Variants in TIMP2 observed in about 807,000 individuals in gnomAD.
TIMP2 encodes the protein TIMP metallopeptidase inhibitor 2.
A neutral mutation model predicts 24.3 loss-of-function variants in TIMP2; 5 were observed. The ratio of observed to expected loss-of-function variants is 0.21; its 90% CI spans 0.11 to 0.43. The LOEUF is 0.43. TIMP2 is among the 20% of genes least tolerant of loss of function. The probability of loss-of-function intolerance (pLI) is 1.00; values close to 1 mark genes in which losing one functional copy is unlikely to be tolerated. For synonymous variants in TIMP2, 130 were observed against 123.2 expected, an observed-to-expected ratio of 1.06 and a Z score of -0.37; for missense variants, 221 against 297.5, an observed-to-expected ratio of 0.74 and a Z score of 1.89.
chr17:78,861,184 G>A (rs138707724), intron 3 of TIMP2, among the ~76,000 whole-genome samples: 70 of 152,150 alleles, frequency 4.6e-4, no homozygotes, highest in African/African-American at 1.6e-3. Flanking sequence ...GGCATTTGGC[G>A]CCCATACAGG....
At chr17:78,861,339 C>T (rs1441486319) in intron 3 of TIMP2, among the ~76,000 whole-genome samples, 1 of 152,186 alleles carries the variant, frequency 6.6e-6, no homozygotes, top group Non-Finnish European at 1.5e-5. Context: ...ATTAGATTTG[C>T]CTTTCTTCTG....
rs2069700610 is a variant in TIMP2 at position 78,873,297 on chromosome 17, C to CCA, written c.231+520_231+521dup. ...GGCCCTGCCCTCCCTGCCCTCCCTGCCACATATTTTTTTTTTTTTTTTTTA... is the reference window on the plus strand; with the variant it reads ...GGCCCTGCCCTCCCTGCCCTCCCTGCCACACATATTTTTTTTTTTTTTTTTTA... On this transcript the variant is annotated intron_variant, in intron 2 of 4. Coordinates refer to ENST00000262768, the MANE Select transcript of TIMP2 (RefSeq NM_003255.5). Among the ~76,000 whole-genome samples, 6 of 81,292 alleles carry CCA rather than the reference C, an allele frequency of 7.4e-5. No individual in the cohort carries two copies. In the South Asian group the frequency reaches 2.2e-3, roughly 30 times the overall value. The allele number at this position is 81,292 out of a possible 152,430, so 53.3% of individuals were successfully genotyped here.
intron 1 of TIMP2, among the ~76,000 whole-genome samples, chr17:78,880,699 T>C (rs993779578): frequency 6.6e-6 from 1 of 152,176 alleles, no homozygotes; most frequent in Non-Finnish European, 1.5e-5. Context: ...GACCCTGCCT[T>C]TGAAAGAAAA....
intron 1 of TIMP2, among the ~76,000 whole-genome samples, chr17:78,887,450 T>C (rs1363832119): frequency 1.3e-5 from 2 of 152,166 alleles, no homozygotes; most frequent in African/African-American, 4.8e-5. Flanking sequence ...AGTGGCATGA[T>C]CTCAGCTCAC....
At chr17:78,903,668 C>G (rs1341609065) in intron 1 of TIMP2, among the ~76,000 whole-genome samples, 1 of 152,150 alleles carries the variant, frequency 6.6e-6, no homozygotes, top group Non-Finnish European at 1.5e-5. Context: ...AACCACCTGC[C>G]CACACAGGAG....
At chr17:78,872,692 T>G (rs2069695958) in intron 2 of TIMP2, among the ~76,000 whole-genome samples, 1 of 152,148 alleles carries the variant, frequency 6.6e-6, no homozygotes, top group Admixed American at 6.5e-5. Context: ...TATGAGGTCG[T>G]AAGAGCAGAT....
intron 3 of TIMP2, among the ~76,000 whole-genome samples, chr17:78,858,931 T>G (rs2069546745): frequency 6.6e-6 from 1 of 152,148 alleles, no homozygotes; most frequent in Non-Finnish European, 1.5e-5. Context: ...CCTCCCACCT[T>G]GACTTCCCAA....
intron 1 of TIMP2, among the ~76,000 whole-genome samples, chr17:78,876,065 G>A (rs535441122): frequency 3.3e-4 from 50 of 152,334 alleles, no homozygotes; most frequent in African/African-American, 1.2e-3. Context: ...AGAACAGACG[G>A]CTTTGCCCTG....
intron 3 of TIMP2, 73 bp from the exon 4 acceptor site, chr17:78,857,719 C>G: frequency 6.3e-7 from 1 of 1,593,912 alleles, no homozygotes; most frequent in Non-Finnish European, 8.5e-7. Flanking sequence ...CTCCACCCGG[C>G]GCAGGGGCGC....
intron 3 of TIMP2, among the ~76,000 whole-genome samples, chr17:78,870,276 C>T (rs555080400): frequency 3.7e-4 from 56 of 151,414 alleles, no homozygotes; most frequent in African/African-American, 8.0e-4. Flanking sequence ...ATTAGCTGGG[C>T]GTGGTGGCGT....
rs373070520 is a variant in TIMP2 at position 78,880,575 on chromosome 17, T to C, written c.131-6656A>G. On this transcript the variant is annotated intron_variant, in intron 1 of 4. Coordinates refer to ENST00000262768, the MANE Select transcript of TIMP2 (RefSeq NM_003255.5). ...AAAAAAAACAAAAATTAGCTGGGCG[T>C]GGTGGCATCTGCCTATAGTCCCAGC... Among the ~76,000 whole-genome samples, 16 of 151,940 alleles carry C rather than the reference T, an allele frequency of 1.1e-4. 3 individuals carry two copies. Among genetic ancestry groups the C allele is most frequent in the East Asian group, 3.9e-4 (2 of 5,176 alleles).
At chr17:78,883,927 C>T (rs1299701010) in intron 1 of TIMP2, among the ~76,000 whole-genome samples, 3 of 152,248 alleles carry the variant, frequency 2.0e-5, no homozygotes, top group Non-Finnish European at 4.4e-5. Flanking sequence ...ATGCCAGAGC[C>T]TCCGGCTCGG....
At position 78,909,132 on chromosome 17, in the gene TIMP2, G is replaced by A. The variant is rs9899813; in HGVS notation, c.130+15827C>T. Among the ~76,000 whole-genome samples the A allele has an allele frequency of 5.0e-3, 756 of 152,272 alleles. 10 individuals carry two copies. Among genetic ancestry groups the A allele is most frequent in the African/African-American group, 0.017 (722 of 41,552 alleles). On this transcript the variant is annotated intron_variant, in intron 1 of 4. Coordinates refer to ENST00000262768, the MANE Select transcript of TIMP2 (RefSeq NM_003255.5). ...GGAGGCTGAGATGAGAGGATCACTTGAACCCAGGAGTTCGAGACCAGACTG... is the reference window on the plus strand; with the variant it reads ...GGAGGCTGAGATGAGAGGATCACTTAAACCCAGGAGTTCGAGACCAGACTG...
Position 78,924,838 on chromosome 17 carries a change from G to A in TIMP2, c.130+121C>T. The stretch of plus-strand genomic sequence containing the variant: ...CTTGCAGGATTCGAGAAGGCGCCGA[G>A]GGACCAGGAGGCGGGCGCTGGGGTC... On this transcript the variant is annotated intron_variant, in intron 1 of 4. Transcript: ENST00000262768. The surrounding 1 kb of genome is among the most constrained non-coding windows in gnomAD (Gnocchi z 5.3). The A allele has an allele frequency of 3.8e-6, 2 of 526,250 alleles. No homozygotes were observed. The highest frequency in any genetic ancestry group is 5.4e-6 in the Non-Finnish European group (2 of 372,914). The allele number at this position is 526,250 out of a possible 1,614,324, so 32.6% of individuals were successfully genotyped here.
At chr17:78,870,426 AAAG>A (rs1567993574) in intron 3 of TIMP2, among the ~76,000 whole-genome samples, 44 of 8,818 alleles carry the variant, frequency 5.0e-3, no homozygotes, top group Admixed American at 0.046. Flanking sequence ...AAAAAAAAAG[AAAG>A]AAAGAAAGAA....
chr17:78,869,993 A>AG (rs56310434), intron 3 of TIMP2, among the ~76,000 whole-genome samples: 152,345 of 152,350 alleles, frequency 1, 76,170 homozygotes, highest in Middle Eastern at 1. Flanking sequence ...AGGTGGGCCA[A>AG]GGCTGAGGAA....
At chr17:78,922,364 C>G (rs2070314349) in intron 1 of TIMP2, 1 of 152,166 alleles carries the variant, frequency 6.6e-6, no homozygotes, top group African/African-American at 2.4e-5. Flanking sequence ...GAGAAGGCAG[C>G]CTGGTGTATG....
At chr17:78,870,803 C>T (rs1272206995) in intron 3 of TIMP2, 95 bp downstream of exon 3, 9 of 1,053,710 alleles carry the variant, frequency 8.5e-6, no homozygotes, top group African/African-American at 4.7e-5. Flanking sequence ...CTCCGCCTCC[C>T]CACCCCCCGA....
intron 1 of TIMP2, among the ~76,000 whole-genome samples, chr17:78,914,278 T>TTTACTTAC (rs914062874): frequency 7.3e-6 from 1 of 136,618 alleles, no homozygotes; most frequent in South Asian, 2.2e-4. Flanking sequence ...TATTTATTTA[T>TTTACTTAC]TTATTTATTT....
Sources: gnomAD v4.1 joint callset for allele counts (sites outside exome capture counted in the v4.1 genomes callset) on GRCh38, gnomAD v4.1.1 for gene constraint, Gnocchi (gnomAD v3.1) non-coding constraint, MANE v1.5 for transcripts, NCBI Gene and HGNC (gene_info 2026-07-23, HGNC 2026-07-21) for gene names.